BIRC6: variants seen among roughly 807,000 people sequenced by gnomAD.
The protein encoded by BIRC6 is baculoviral IAP repeat containing 6.
BIRC6 carries 98 observed loss-of-function variants against 503.3 expected under a neutral mutation model. The observed-to-expected ratio is 0.19, with a 90% CI of 0.17 to 0.23. The LOEUF (loss-of-function observed/expected upper bound fraction) is 0.23. Among genes scored for constraint, BIRC6 ranks in the 10% least tolerant of loss-of-function variants. The pLI is 1.00. For missense variants in BIRC6, 5,360 were observed against 5,806.0 expected, an observed-to-expected ratio of 0.92 and a Z score of 2.50; for synonymous variants, 2,240 against 2,078.7, an observed-to-expected ratio of 1.08 and a Z score of -2.11.
Position 32,545,658 on chromosome 2 carries a change from C to A in BIRC6, c.12608C>A (p.Ser4203Tyr). 1 of 1,613,378 alleles carries A rather than the reference C, an allele frequency of 6.2e-7. No individual in the cohort carries two copies. Among genetic ancestry groups the A allele is most frequent in the Non-Finnish European group, 8.5e-7 (1 of 1,179,398 alleles). Reference sequence around the variant, plus strand: ...TTCAATCTAGGTCATATTCTTCAATCTCCATCAGCCAATGTGCTTCCAACC... The same window carrying A: ...TTCAATCTAGGTCATATTCTTCAATATCCATCAGCCAATGTGCTTCCAACC... ...DDGEGSHILQ[S>Y]PSANVLPTLP... Residue 4203 changes from serine (S) to tyrosine (Y), a missense_variant, in exon 63 of 74, where the codon TCT (serine) becomes TAT (tyrosine). Around this residue, in one of 16 missense-constraint regions of BIRC6, gnomAD observed 477 missense variants for 574.4 expected, o/e 0.83. Coordinates refer to ENST00000421745, the MANE Select transcript of BIRC6 (RefSeq NM_016252.4).
Position 32,613,379 on chromosome 2 carries a change from T to A in BIRC6, c.14394+1797T>A, listed in dbSNP as rs76686922. 7.3e-3 allele frequency among the ~76,000 whole-genome samples: 1,114 copies of A among 151,916 alleles called. 13 individuals carry two copies. The highest frequency in any genetic ancestry group is 0.029 in the East Asian group (151 of 5,170). On this transcript the variant is annotated intron_variant, in intron 73 of 73. Coordinates refer to ENST00000421745, the MANE Select transcript of BIRC6 (RefSeq NM_016252.4). ...TTTGTATTTTTATTTTCATTATTTATTTTATTTATTTATTTATTTTAGATG... is the reference window on the plus strand; with the variant it reads ...TTTGTATTTTTATTTTCATTATTTAATTTATTTATTTATTTATTTTAGATG...
At chr2:32,455,795 T>C (rs1247128575) in intron 23 of BIRC6, among the ~76,000 whole-genome samples, 2 of 152,224 alleles carry the variant, frequency 1.3e-5, no homozygotes, top group Non-Finnish European at 2.9e-5. Flanking sequence ...GGAACGAGTT[T>C]CTTGTCTTTA....
intron 2 of BIRC6, chr2:32,379,602 A>C (rs2037333798): frequency 6.6e-6 from 1 of 152,180 alleles, no homozygotes; most frequent in South Asian, 2.1e-4. Context: ...CCTTTACTGC[A>C]TCAGATTAGT....
At chr2:32,423,223 C>G (rs982486013) in intron 10 of BIRC6, among the ~76,000 whole-genome samples, 3 of 152,300 alleles carry the variant, frequency 2.0e-5, no homozygotes, top group East Asian at 1.9e-4. Context: ...ACCCACTGTT[C>G]CCGGCCTGAG....
chr2:32,507,012 A>T (rs1403140660), intron 50 of BIRC6, among the ~76,000 whole-genome samples: 1 of 152,186 alleles, frequency 6.6e-6, no homozygotes, highest in Admixed American at 6.5e-5. Flanking sequence ...TTTAGTTGAC[A>T]TATTTATTAG....
At chr2:32,449,302 A>G (rs2046416216) in intron 22 of BIRC6, 1 of 159,594 alleles carries the variant, frequency 6.3e-6, no homozygotes, top group Non-Finnish European at 1.4e-5. Context: ...TATTTCAAAA[A>G]TACAAAATTA....
At chr2:32,471,292 A>G (rs2049068117) in intron 32 of BIRC6, 168 bp downstream of exon 32, 1 of 498,824 alleles carries the variant, frequency 2.0e-6, no homozygotes, top group African/African-American at 2.1e-5. Flanking sequence ...TTCTGTTTAA[A>G]GATAACATTT....
At chr2:32,406,812 C>A (rs1285738621) in intron 9 of BIRC6, among the ~76,000 whole-genome samples, 1 of 152,146 alleles carries the variant, frequency 6.6e-6, no homozygotes, top group Non-Finnish European at 1.5e-5. Context: ...AGTTTTGTCA[C>A]ATATGTCAGG....
chr2:32,567,894 A>C (rs554666952), intron 65 of BIRC6, among the ~76,000 whole-genome samples: 159 of 152,210 alleles, frequency 1.0e-3, no homozygotes, highest in Middle Eastern at 3.4e-3. Flanking sequence ...GAGGTCAGGA[A>C]ATCGAGACCA....
intron 33 of BIRC6, among the ~76,000 whole-genome samples, chr2:32,475,903 TTAAAAG>T (rs2049706859): frequency 6.6e-6 from 1 of 152,074 alleles, no homozygotes; most frequent in African/African-American, 2.4e-5. Context: ...ATTTATTTAA[TTAAAAG>T]TAAATTTTTT....
rs2058016339 is a variant in BIRC6, at chr2:32,545,783, C to T, written c.12733C>T (p.His4245Tyr). 6.2e-7 allele frequency: 1 copy of T among 1,613,806 alleles called. No individual in the cohort carries two copies. The highest frequency in any genetic ancestry group is 8.5e-7 in the Non-Finnish European group (1 of 1,179,860). Residue 4245 changes from histidine (H) to tyrosine (Y), a missense_variant, in exon 63 of 74, where the codon CAC becomes TAC. Physicochemically the swap from His to Tyr is moderately conservative, Grantham distance 83. This residue lies in a region of BIRC6 where 477 missense variants were observed against 574.4 expected (regional missense o/e 0.83). Coordinates refer to ENST00000421745, the MANE Select transcript of BIRC6 (RefSeq NM_016252.4). Reference sequence around the variant, plus strand: ...GATGGCATTGGAAATTGGAGCCTTACACCTCATTCTTGTCTGTCTCTCTGC... The same window carrying T: ...GATGGCATTGGAAATTGGAGCCTTATACCTCATTCTTGTCTGTCTCTCTGC... ...RRMALEIGALHLILVCLSALS... is the reference protein window; with the variant it reads ...RRMALEIGALYLILVCLSALS...
At chr2:32,556,684 C>T (rs576343741) in intron 65 of BIRC6, among the ~76,000 whole-genome samples, 5 of 152,178 alleles carry the variant, frequency 3.3e-5, no homozygotes, top group African/African-American at 1.2e-4. Context: ...CTCGGTGGCT[C>T]AAGCCTGTAA....
Position 32,357,416 on chromosome 2 carries a change from C to T in BIRC6, c.255C>T (p.Val85=). 6.5e-7 allele frequency: 1 copy of T among 1,549,686 alleles called. No homozygotes were observed. Among genetic ancestry groups the T allele is most frequent in the East Asian group, 2.4e-5 (1 of 40,850 alleles). Residue 85 remains valine (V), a synonymous_variant, in exon 1 of 74, where the codon GTC becomes GTT. Transcript: ENST00000421745. The surrounding 1 kb of genome is among the most constrained non-coding windows in gnomAD (Gnocchi z 4.9). ...CTGCGCTCAACGCCATCCTGGCCGT[C>T]ACTAGCCGCGGGACCATCAAAGTCA... ...YHPALNAILA[V]TSRGTIKVID...
chr2:32,550,289 G>C (rs1488296450), intron 65 of BIRC6, among the ~76,000 whole-genome samples: 1 of 152,124 alleles, frequency 6.6e-6, no homozygotes, highest in Non-Finnish European at 1.5e-5. Flanking sequence ...TTTTGTGGTT[G>C]GTAGCAGCTA....
intron 10 of BIRC6, among the ~76,000 whole-genome samples, chr2:32,420,782 G>C (rs536763749): frequency 6.6e-6 from 1 of 152,112 alleles, no homozygotes; most frequent in Non-Finnish European, 1.5e-5. Flanking sequence ...AAAGTGCTGG[G>C]ATTACAGGTG....
chr2:32,486,760 T>C (rs1179630608), intron 40 of BIRC6, among the ~76,000 whole-genome samples: 2 of 152,144 alleles, frequency 1.3e-5, no homozygotes, highest in Admixed American at 1.3e-4. Context: ...GTTTCTTGCT[T>C]TAGAGGGTAT....
At chr2:32,451,369 A>T (rs140566490) in intron 22 of BIRC6, among the ~76,000 whole-genome samples, 1 of 152,274 alleles carries the variant, frequency 6.6e-6, no homozygotes, top group East Asian at 1.9e-4. Context: ...TGAGATCATT[A>T]AGGGGATCTA....
chr2:32,503,894 G>T (rs1202163934), intron 49 of BIRC6, among the ~76,000 whole-genome samples: 2 of 151,406 alleles, frequency 1.3e-5, no homozygotes, highest in African/African-American at 4.9e-5. Flanking sequence ...GTTTTGTTTT[G>T]AGAGAGTCTC....
intron 15 of BIRC6, among the ~76,000 whole-genome samples, chr2:32,436,964 C>T (rs1326222965): frequency 7.2e-6 from 1 of 139,302 alleles, no homozygotes; most frequent in Non-Finnish European, 1.5e-5. Flanking sequence ...TCTCAGCTTG[C>T]TGCAACACCC....
Sources: allele counts gnomAD v4.1 joint callset (sites outside exome capture counted in the v4.1 genomes callset), GRCh38; gene constraint gnomAD v4.1.1; regional missense constraint gnomAD v4.1.1; non-coding constraint Gnocchi (gnomAD v3.1); transcripts MANE v1.5; gene names NCBI Gene and HGNC (gene_info 2026-07-23, HGNC 2026-07-21).